The following PCMTD1 variants were observed in gnomAD, a reference collection of about 807,000 sequenced individuals.
PCMTD1 encodes protein-L-isoaspartate O-methyltransferase domain-containing protein 1.
Under a neutral mutation model 37.6 loss-of-function variants are expected in PCMTD1, and 12 were observed. That is an observed-to-expected ratio of 0.32 (90% CI 0.20 to 0.52). The LOEUF is 0.52. Ranked by LOEUF, PCMTD1 falls within the 20% of genes least tolerant of loss-of-function variation. The probability of loss-of-function intolerance (pLI) is 0.97; values close to 1 mark genes in which losing one functional copy is unlikely to be tolerated. For missense variants in PCMTD1, 235 were observed against 421.3 expected (o/e 0.56, Z 3.87); for synonymous variants, 117 against 135.8 (o/e 0.86, Z 0.96).
rs758516800 is a variant in PCMTD1 at position 51,820,517 on chromosome 8, T to G, written c.908A>C (p.Glu303Ala). The change falls in exon 6 of 6, where the codon GAA (glutamate) becomes GCA (alanine). Residue 303 changes from glutamate to alanine, a missense_variant. This residue lies in a region of PCMTD1 where 41 missense variants were observed against 36.4 expected (regional missense o/e 1.13). Coordinates refer to ENST00000522514, the MANE Select transcript of PCMTD1 (RefSeq NM_052937.4). ...NQLIPQPLDS[E>A]EDEKMEEDNK... The stretch of plus-strand genomic sequence containing the variant: ...ATCCTCTTCCATTTTTTCATCCTCT[T>G]CACTGTCTAGAGGCTGAGGAATAAG... The G allele has an allele frequency of 2.1e-5, 34 of 1,613,796 alleles. No individual in the cohort carries two copies. The South Asian group carries it at 3.7e-4, about 18-fold the overall frequency.
intron 1 of PCMTD1, among the ~76,000 whole-genome samples, chr8:51,879,699 A>G (rs1483795760): frequency 6.6e-6 from 1 of 152,220 alleles, no homozygotes; most frequent in African/African-American, 2.4e-5. Flanking sequence ...GGTAGAGAAG[A>G]CATTCTAAAT....
intron 3 of PCMTD1, among the ~76,000 whole-genome samples, chr8:51,836,199 C>T (rs921813846): frequency 1.3e-5 from 2 of 152,274 alleles, no homozygotes; most frequent in East Asian, 3.9e-4. Context: ...AAAGATGAGA[C>T]AGGACAATCT....
intron 3 of PCMTD1, among the ~76,000 whole-genome samples, chr8:51,838,830 CTATT>C (rs939992168): frequency 9.2e-5 from 14 of 152,000 alleles, no homozygotes; most frequent in African/African-American, 3.4e-4. Context: ...TAATACTACA[CTATT>C]TATAAAATTA....
At chr8:51,899,060 G>T (rs753169386), upstream of PCMTD1, 2 of 1,499,656 alleles carry the variant, frequency 1.3e-6, no homozygotes, top group East Asian at 5.4e-5. Flanking sequence ...CCGGACCCGC[G>T]ACTGGAGCAG....
intron 3 of PCMTD1, 59 bp from the exon 4 acceptor site, chr8:51,833,748 T>C (rs1296705931): frequency 1.4e-6 from 2 of 1,448,242 alleles, no homozygotes. Context: ...CTAAAAAATT[T>C]ACCATAATCC....
rs753546100 is a variant in PCMTD1, at chr8:51,833,557, T to C, written c.543A>G (p.Leu181=). Residue 181 remains leucine, a synonymous_variant, in exon 4 of 6, where the codon CTA becomes CTG. Transcript: ENST00000522514. ...KDHENYMKIL[L]KVGGILVMPI... ...GCATGACTAATATGCCTCCAACTTT[T>C]AGTAATATTTTCATGTAGTTTTCAT... 3.7e-6 allele frequency: 6 copies of C among 1,612,984 alleles called. No homozygotes were observed. The highest frequency in any genetic ancestry group is 2.2e-5 in the East Asian group (1 of 44,802).
At chr8:51,827,014 G>T (rs2037930646) in intron 5 of PCMTD1, 1 of 961,430 alleles carries the variant, frequency 1.0e-6, no homozygotes, top group Non-Finnish European at 1.2e-6. Flanking sequence ...TTATTTTTGG[G>T]ATTTTTGGAG....
At chr8:51,836,014 A>T (rs1473924267) in intron 3 of PCMTD1, among the ~76,000 whole-genome samples, 3 of 152,210 alleles carry the variant, frequency 2.0e-5, no homozygotes, top group Admixed American at 6.5e-5. Flanking sequence ...AGCTTTGTGC[A>T]ATGACTGAGA....
rs775995760 is a variant in PCMTD1 at position 51,820,480 on chromosome 8, C to G, written c.945G>C (p.Glu315Asp). The G allele has an allele frequency of 6.2e-7, 1 of 1,613,898 alleles. No homozygotes were observed. The highest frequency in any genetic ancestry group is 2.2e-5 in the East Asian group (1 of 44,858). The change falls in exon 6 of 6, where the codon GAG (glutamate) becomes GAC (aspartate). Residue 315 changes from glutamate to aspartate, a missense_variant. Transcript: ENST00000522514. ...TTGCTTCATTGTGATCTTTTTCCTC[C>G]TCTTCTTTGTTATCCTCTTCCATTT... ...DEKMEEDNKE[E>D]EEKDHNEAMK...
At chr8:51,870,573 G>C (rs1585837530) in intron 1 of PCMTD1, among the ~76,000 whole-genome samples, 1 of 152,204 alleles carries the variant, frequency 6.6e-6, no homozygotes, top group East Asian at 1.9e-4. Context: ...AATTTCCTAT[G>C]TGCCTACTAT....
intron 2 of PCMTD1, among the ~76,000 whole-genome samples, chr8:51,854,763 G>A (rs1422705123): frequency 1.3e-5 from 2 of 152,100 alleles, no homozygotes; most frequent in African/African-American, 4.8e-5. Flanking sequence ...TGCAATCCCA[G>A]CTACTTGGGA....
chr8:51,871,253 C>G (rs771457390), intron 1 of PCMTD1, among the ~76,000 whole-genome samples: 7 of 152,144 alleles, frequency 4.6e-5, no homozygotes, highest in African/African-American at 7.2e-5. Flanking sequence ...GAAAAACAGT[C>G]AAGGACAGTA....
At chr8:51,893,785 A>T (rs1488390580) in intron 1 of PCMTD1, among the ~76,000 whole-genome samples, 2 of 152,226 alleles carry the variant, frequency 1.3e-5, no homozygotes, top group Admixed American at 1.3e-4. Flanking sequence ...GGACACACAC[A>T]ATTAAAAACT....
At chr8:51,847,421 G>A (rs2038238040) in intron 2 of PCMTD1, among the ~76,000 whole-genome samples, 1 of 151,566 alleles carries the variant, frequency 6.6e-6, no homozygotes, top group Non-Finnish European at 1.5e-5. Flanking sequence ...GAGCCCAGGA[G>A]TTCGAGACCA....
intron 2 of PCMTD1, among the ~76,000 whole-genome samples, chr8:51,857,425 C>T (rs531538945): frequency 6.6e-6 from 1 of 152,018 alleles, no homozygotes; most frequent in African/African-American, 2.4e-5. Flanking sequence ...AAAATGAATC[C>T]CTAAGTAAAA....
At chr8:51,882,346 C>G (rs1033748450) in intron 1 of PCMTD1, among the ~76,000 whole-genome samples, 1 of 152,168 alleles carries the variant, frequency 6.6e-6, no homozygotes, top group African/African-American at 2.4e-5. Context: ...TCGGAAGCCC[C>G]GTATTCAAGT....
intron 2 of PCMTD1, among the ~76,000 whole-genome samples, chr8:51,853,043 A>G (rs1419915212): frequency 2.0e-5 from 3 of 152,210 alleles, no homozygotes; most frequent in South Asian, 4.1e-4. Flanking sequence ...TGGAGGCAGA[A>G]ATCTATGAAT....
At chr8:51,867,818 G>A (rs1026513743) in intron 1 of PCMTD1, among the ~76,000 whole-genome samples, 4 of 151,892 alleles carry the variant, frequency 2.6e-5, no homozygotes, top group Non-Finnish European at 4.4e-5. Flanking sequence ...GGGGCAGGAG[G>A]GTAGATGGGG....
At chr8:51,866,261 G>A (rs1166559759) in intron 1 of PCMTD1, among the ~76,000 whole-genome samples, 1 of 151,910 alleles carries the variant, frequency 6.6e-6, no homozygotes, top group African/African-American at 2.4e-5. Flanking sequence ...AACATAATCT[G>A]TATTAAAATT....
Sources: gnomAD v4.1 joint callset for allele counts (sites outside exome capture counted in the v4.1 genomes callset) on GRCh38, gnomAD v4.1.1 for gene constraint, gnomAD v4.1.1 regional missense constraint, MANE v1.5 for transcripts, NCBI Gene and HGNC (gene_info 2026-07-23, HGNC 2026-07-21) for gene names.